Variants in PIK3C2G observed in about 807,000 individuals in gnomAD.
PIK3C2G encodes phosphatidylinositol 3-kinase C2 domain-containing subunit gamma.
A neutral mutation model predicts 181.1 loss-of-function variants in PIK3C2G; 168 were observed. The ratio of observed to expected loss-of-function variants is 0.93; its 90% CI spans 0.82 to 1.05. The LOEUF (loss-of-function observed/expected upper bound fraction) is 1.05, where lower values mean the gene tolerates loss of function less well. Among genes scored for constraint, PIK3C2G ranks in the 50% least tolerant of loss-of-function variants. The pLI is 0.00. For synonymous variants in PIK3C2G, 573 were observed against 592.2 expected, an observed-to-expected ratio of 0.97 and a Z score of 0.47; for missense variants, 1,869 against 1,732.8, an observed-to-expected ratio of 1.08 and a Z score of -1.40.
intron 24 of PIK3C2G, among the ~76,000 whole-genome samples, chr12:18,520,007 A>G: frequency 6.7e-6 from 1 of 150,184 alleles, no homozygotes; most frequent in South Asian, 2.1e-4. Context: ...AATACTAAAA[A>G]AAAAAAAAAA....
At chr12:18,366,943 T>C (rs1941687268) in intron 12 of PIK3C2G, among the ~76,000 whole-genome samples, 1 of 152,162 alleles carries the variant, frequency 6.6e-6, no homozygotes, top group South Asian at 2.1e-4. Context: ...CTTATTCTTA[T>C]CCTAAAGGAA....
chr12:18,265,328 T>G (rs1004190036), intron 1 of PIK3C2G, among the ~76,000 whole-genome samples: 1 of 152,128 alleles, frequency 6.6e-6, no homozygotes, highest in South Asian at 2.1e-4. Flanking sequence ...CAAAATTAAA[T>G]GCAAAACAAA....
chr12:18,602,054 G>C (rs1480916035), intron 30 of PIK3C2G, among the ~76,000 whole-genome samples: 1 of 152,128 alleles, frequency 6.6e-6, no homozygotes, highest in Non-Finnish European at 1.5e-5. Flanking sequence ...ACTCAGGGGA[G>C]GGCACGAATC....
intron 25 of PIK3C2G, 122 bp from the exon 26 acceptor site, chr12:18,546,201 G>T: frequency 1.6e-6 from 1 of 630,910 alleles, no homozygotes; most frequent in Non-Finnish European, 2.8e-6. Flanking sequence ...TATATAAACT[G>T]AAAGACATTG....
chr12:18,309,906 C>T (rs193259626), intron 5 of PIK3C2G, among the ~76,000 whole-genome samples: 3 of 151,790 alleles, frequency 2.0e-5, no homozygotes, highest in East Asian at 3.9e-4. Context: ...GAGTTGTAAA[C>T]GTACCTAGAG....
At chr12:18,671,643 G>A in the PIK3C2G span, among the ~76,000 whole-genome samples, 1 of 151,712 alleles carries the variant, frequency 6.6e-6, no homozygotes, top group Non-Finnish European at 1.5e-5. Context: ...CTACTATATT[G>A]GATATAAAAA....
rs114680124 is a variant in PIK3C2G, at chr12:18,491,721, C to G, written c.2793+163C>G. ...TACATTGTGTTTTCCCTTTGATACA[C>G]TAAGACCAGTTGGGATCACATTGGC... On this transcript the variant is annotated intron_variant, in intron 20 of 32. Transcript: ENST00000538779. 4.2e-3 allele frequency among the ~76,000 whole-genome samples: 643 copies of G among 151,780 alleles called. 5 individuals carry two copies. Among genetic ancestry groups the G allele is most frequent in the African/African-American group, 0.015 (619 of 41,356 alleles).
chr12:18,451,931 G>A (rs556060500), intron 18 of PIK3C2G, among the ~76,000 whole-genome samples: 63 of 152,262 alleles, frequency 4.1e-4, no homozygotes, highest in African/African-American at 1.3e-3. Context: ...CAACTTGATC[G>A]TAGTGGATAA....
chr12:18,258,413 G>T (rs1948170181), upstream of PIK3C2G, among the ~76,000 whole-genome samples: 1 of 151,776 alleles, frequency 6.6e-6, no homozygotes, highest in Non-Finnish European at 1.5e-5. Context: ...TGAAATTTTG[G>T]TATCCTTTGA....
At chr12:18,703,167 C>T in the PIK3C2G span, among the ~76,000 whole-genome samples, 5 of 152,044 alleles carry the variant, frequency 3.3e-5, no homozygotes, top group Non-Finnish European at 7.4e-5. Flanking sequence ...TGATATGTTT[C>T]GAAATTCTTT....
chr12:18,564,846 T>C (rs1480991046), intron 28 of PIK3C2G, among the ~76,000 whole-genome samples: 1 of 152,218 alleles, frequency 6.6e-6, no homozygotes, highest in Non-Finnish European at 1.5e-5. Context: ...TTAATCTTTG[T>C]TTAACGGCTA....
chr12:18,541,637 A>G (rs1944160930), intron 25 of PIK3C2G, among the ~76,000 whole-genome samples: 1 of 152,032 alleles, frequency 6.6e-6, no homozygotes, highest in Non-Finnish European at 1.5e-5. Flanking sequence ...GAACAGAAGT[A>G]AAGACTTCAA....
At chr12:18,504,382 A>G (rs915474690) in intron 23 of PIK3C2G, among the ~76,000 whole-genome samples, 2 of 152,246 alleles carry the variant, frequency 1.3e-5, no homozygotes, top group African/African-American at 4.8e-5. Flanking sequence ...ATTTCCAAAT[A>G]CATCGCTCTT....
At position 18,562,778 on chromosome 12, in the gene PIK3C2G, C is replaced by T. The variant is rs1356145223; in HGVS notation, c.3666C>T (p.Ala1222=). The T allele has an allele frequency of 6.2e-7, 1 of 1,607,530 alleles. No individual in the cohort carries two copies. ...TCCACACACTTGCACAAATGTCAGC[C>T]ATAAGCCCTGCCAAATCTACTTCAC... ...NLIHTLAQMS[A]ISPAKSTSQT... Residue 1222 remains alanine, a synonymous_variant, in exon 27 of 33, where the codon GCC becomes GCT. Coordinates refer to ENST00000538779, the MANE Select transcript of PIK3C2G (RefSeq NM_001288772.2).
intron 31 of PIK3C2G, among the ~76,000 whole-genome samples, chr12:18,616,293 T>C (rs1237671411): frequency 6.6e-6 from 1 of 152,156 alleles, no homozygotes; most frequent in Non-Finnish European, 1.5e-5. Context: ...ATATTTTGAA[T>C]ACAGTGGTTA....
At chr12:18,680,483 T>A in the PIK3C2G span, among the ~76,000 whole-genome samples, 1 of 152,070 alleles carries the variant, frequency 6.6e-6, no homozygotes, top group Non-Finnish European at 1.5e-5. Flanking sequence ...GCCTGTCATT[T>A]ACCTCCAGTG....
In PIK3C2G at chr12:18,585,949, T is replaced by C. The variant is rs182940253; in HGVS notation, c.4012-8545T>C. 1.1e-3 allele frequency among the ~76,000 whole-genome samples: 162 copies of C among 152,236 alleles called. 1 individual carries two copies. Among genetic ancestry groups the C allele is most frequent in the Middle Eastern group, 3.4e-3 (1 of 294 alleles). On this transcript the variant is annotated intron_variant, in intron 29 of 32. Transcript: ENST00000538779. ...TAAACAGCTTACTCCTGAATGACTT[T>C]GGGGTATACAATGAAATTAAGGCAG... is the stretch of plus-strand genomic sequence containing the variant.
At chr12:18,663,234 G>T in the PIK3C2G span, among the ~76,000 whole-genome samples, 1 of 152,008 alleles carries the variant, frequency 6.6e-6, no homozygotes, top group Non-Finnish European at 1.5e-5. Context: ...GAGCAGTTAG[G>T]CAAGAAAAGG....
At chr12:18,427,993 A>G (rs1945934904) in intron 18 of PIK3C2G, among the ~76,000 whole-genome samples, 1 of 152,124 alleles carries the variant, frequency 6.6e-6, no homozygotes, top group African/African-American at 2.4e-5. Context: ...AACATGTGTC[A>G]TGGGGATTTA....
Sources: allele counts gnomAD v4.1 joint callset (sites outside exome capture counted in the v4.1 genomes callset), GRCh38; gene constraint gnomAD v4.1.1; transcripts MANE v1.5; gene names NCBI Gene and HGNC (gene_info 2026-07-23, HGNC 2026-07-21).